The following MOXD1 variants were observed in gnomAD, a reference collection of about 807,000 sequenced individuals.
MOXD1 encodes DBH-like monooxygenase protein 1.
Under a neutral mutation model 66.6 loss-of-function variants are expected in MOXD1, and 62 were observed. That is an observed-to-expected ratio of 0.93 (90% CI 0.76 to 1.15). The LOEUF (loss-of-function observed/expected upper bound fraction) is 1.15, where lower values mean the gene tolerates loss of function less well. MOXD1 is among the 50% of genes most tolerant of loss of function. The pLI is 0.00. For synonymous variants in MOXD1, 303 were observed against 281.9 expected (o/e 1.07, Z -0.75); for missense variants, 847 against 754.6 (o/e 1.12, Z -1.44).
chr6:132,392,593 C>A (rs1183292205), intron 1 of MOXD1, among the ~76,000 whole-genome samples: 1 of 152,148 alleles, frequency 6.6e-6, no homozygotes, highest in African/African-American at 2.4e-5. Context: ...TTCACTGAGA[C>A]AAAATAGTGA....
intron 4 of MOXD1, among the ~76,000 whole-genome samples, chr6:132,331,200 GGGGGACA>G (rs1171895602): frequency 1.3e-5 from 2 of 152,178 alleles, no homozygotes; most frequent in African/African-American, 2.4e-5. Flanking sequence ...GGTCCTCCAA[GGGGGACA>G]GGGCACTGCT....
At chr6:132,376,965 A>T (rs1254744311) in intron 1 of MOXD1, among the ~76,000 whole-genome samples, 1 of 152,220 alleles carries the variant, frequency 6.6e-6, no homozygotes, top group Non-Finnish European at 1.5e-5. Flanking sequence ...CTTGCCCAGG[A>T]TTTACAGCTA....
intron 1 of MOXD1, chr6:132,392,229 C>T (rs776571863): frequency 5.4e-5 from 86 of 1,600,546 alleles, no homozygotes; most frequent in Non-Finnish European, 6.9e-5. Context: ...GCAAGTGGCC[C>T]GGCAGCAATT....
intron 10 of MOXD1, among the ~76,000 whole-genome samples, chr6:132,306,185 G>T (rs905203778): frequency 3.3e-5 from 5 of 152,034 alleles, no homozygotes; most frequent in African/African-American, 1.2e-4. Context: ...TGATGAAGCT[G>T]AAAAATACAG....
Position 132,328,030 on chromosome 6 carries a change from T to C in MOXD1, c.929A>G (p.Asn310Ser). ...HYVLLEVHYD[N>S]PTYEEGLIDN... Reference sequence around the variant, plus strand: ...AAACTCACCTTCCTCATAAGTGGGATTATCATAATGGACTTCTAGGAGCAC... The same window carrying C: ...AAACTCACCTTCCTCATAAGTGGGACTATCATAATGGACTTCTAGGAGCAC... The change falls in exon 6 of 12, where the codon AAT becomes AGT. Residue 310 changes from asparagine to serine, a missense_variant. Transcript: ENST00000367963. 1.2e-6 allele frequency: 2 copies of C among 1,612,420 alleles called. No individual in the cohort carries two copies. Among genetic ancestry groups the C allele is most frequent in the Non-Finnish European group, 1.7e-6 (2 of 1,178,602 alleles).
chr6:132,354,919 T>A (rs1303841906), intron 4 of MOXD1, among the ~76,000 whole-genome samples: 2 of 152,022 alleles, frequency 1.3e-5, no homozygotes, highest in African/African-American at 4.8e-5. Flanking sequence ...GTCATGCAGG[T>A]TGCCAGGGAA....
intron 4 of MOXD1, among the ~76,000 whole-genome samples, chr6:132,334,367 C>T (rs1429993255): frequency 6.6e-6 from 1 of 152,144 alleles, no homozygotes; most frequent in Non-Finnish European, 1.5e-5. Flanking sequence ...TTCCTGTTAG[C>T]TCTTTCACAC....
At chr6:132,396,288 G>T (rs1330941097) in intron 1 of MOXD1, among the ~76,000 whole-genome samples, 1 of 151,898 alleles carries the variant, frequency 6.6e-6, no homozygotes, top group Non-Finnish European at 1.5e-5. Context: ...ACTCCTGAAT[G>T]ACCAATGGGT....
intron 10 of MOXD1, among the ~76,000 whole-genome samples, chr6:132,299,352 A>G (rs1374796078): frequency 6.6e-6 from 1 of 152,298 alleles, no homozygotes; most frequent in African/African-American, 2.4e-5. Context: ...TGATGGAATC[A>G]TTCATACTCT....
chr6:132,383,210 T>C (rs1776546084), intron 1 of MOXD1, among the ~76,000 whole-genome samples: 1 of 152,202 alleles, frequency 6.6e-6, no homozygotes, highest in Non-Finnish European at 1.5e-5. Flanking sequence ...ATATTGATAG[T>C]ATAATAATAA....
chr6:132,309,065 A>G (rs1774762668), intron 10 of MOXD1, among the ~76,000 whole-genome samples: 1 of 152,222 alleles, frequency 6.6e-6, no homozygotes, highest in African/African-American at 2.4e-5. Context: ...AAATAGGAAG[A>G]GAGGAAGTCA....
chr6:132,377,400 T>G (rs1233500218), intron 1 of MOXD1, among the ~76,000 whole-genome samples: 1 of 152,240 alleles, frequency 6.6e-6, no homozygotes. Context: ...CAATACAAAC[T>G]GTAATCAGTT....
At chr6:132,340,802 G>A (rs1019673726) in intron 4 of MOXD1, among the ~76,000 whole-genome samples, 3 of 151,762 alleles carry the variant, frequency 2.0e-5, no homozygotes, top group East Asian at 2.0e-4. Flanking sequence ...GCCCGCCACC[G>A]CGCCCGGCTA....
intron 10 of MOXD1, among the ~76,000 whole-genome samples, chr6:132,302,516 T>C (rs1323497619): frequency 6.6e-6 from 1 of 151,896 alleles, no homozygotes; most frequent in South Asian, 2.1e-4. Flanking sequence ...GCGCAAAACT[T>C]CTATATTGAA....
Position 132,352,574 on chromosome 6 carries a change from G to A in MOXD1, c.663+20034C>T, listed in dbSNP as rs186479142. Among the ~76,000 whole-genome samples the A allele has an allele frequency of 2.2e-4, 33 of 152,292 alleles. No homozygotes were observed. In the East Asian group the frequency reaches 6.2e-3, roughly 28 times the overall value. On this transcript the variant is annotated intron_variant, in intron 4 of 11. Coordinates refer to ENST00000367963, the MANE Select transcript of MOXD1 (RefSeq NM_015529.4). ...TATCACGTGTCCTGTCTTGGAGAAG[G>A]TTCCATGCACTGTTGAAAAGAATGT...
In MOXD1 at chr6:132,401,145, G is replaced by A. The variant is rs537843552; in HGVS notation, c.264+18C>T. The A allele has an allele frequency of 1.9e-5, 28 of 1,486,990 alleles. No individual in the cohort carries two copies. The South Asian group carries it at 3.3e-4, about 17-fold the overall frequency. 92.1% of individuals were successfully genotyped at this position (1,486,990 alleles called of 1,614,324 possible). On this transcript the variant is annotated intron_variant, in intron 1 of 11. Transcript: ENST00000367963. ...GACCGGGCTCGGCCGGGCGGGCTCCGGGAGGAGACGCGCTTACCTGGAGGT... is the reference window on the plus strand; with the variant it reads ...GACCGGGCTCGGCCGGGCGGGCTCCAGGAGGAGACGCGCTTACCTGGAGGT...
chr6:132,392,431 C>A (rs1776786514), intron 1 of MOXD1: 1 of 1,323,468 alleles, frequency 7.6e-7, no homozygotes, highest in Non-Finnish European at 1.0e-6. Context: ...CTAATTCACA[C>A]AAACTCAGCA....
At chr6:132,306,090 C>A (rs1241324531) in intron 10 of MOXD1, among the ~76,000 whole-genome samples, 1 of 151,930 alleles carries the variant, frequency 6.6e-6, no homozygotes, top group Non-Finnish European at 1.5e-5. Flanking sequence ...ATGTTCTAAC[C>A]CAATGCAAAG....
intron 1 of MOXD1, among the ~76,000 whole-genome samples, chr6:132,392,700 G>A (rs1444650184): frequency 6.6e-6 from 1 of 152,158 alleles, no homozygotes; most frequent in Admixed American, 6.5e-5. Flanking sequence ...AGCATTCAAG[G>A]GAAATGTTTC....
Sources: gnomAD v4.1 joint callset for allele counts (sites outside exome capture counted in the v4.1 genomes callset) on GRCh38, gnomAD v4.1.1 for gene constraint, MANE v1.5 for transcripts, NCBI Gene and HGNC (gene_info 2026-07-23, HGNC 2026-07-21) for gene names.